CHRNA3: variants seen among roughly 807,000 people sequenced by gnomAD.
CHRNA3 encodes the protein neuronal acetylcholine receptor subunit alpha-3.
A neutral mutation model predicts 41.9 loss-of-function variants in CHRNA3; 34 were observed. The observed-to-expected ratio is 0.81, with a 90% CI of 0.62 to 1.08. CHRNA3 has a LOEUF of 1.08. Ranked by LOEUF, CHRNA3 falls within the 50% of genes least tolerant of loss-of-function variation. The pLI is 0.00. For synonymous variants in CHRNA3, 281 were observed against 265.2 expected, an observed-to-expected ratio of 1.06 and a Z score of -0.58; for missense variants, 542 against 638.3, an observed-to-expected ratio of 0.85 and a Z score of 1.63.
chr15:78,620,629 G>A (rs1250342534), intron 1 of CHRNA3, 84 bp downstream of exon 1: 2 of 1,443,022 alleles, frequency 1.4e-6, no homozygotes, highest in South Asian at 1.4e-5. Flanking sequence ...TCGCCCGCGC[G>A]GTGTTCTCGC....
chr15:78,596,405 TA>T lies in CHRNA3; in HGVS notation c.*198del. ...TCTTTACCATACCAAAAAGGCTAGT[TA>T]AATGTTCATTTATCGGTAATAAATA... On this transcript the variant is annotated 3_prime_UTR_variant, in exon 6 of 6. Coordinates refer to ENST00000326828, the MANE Select transcript of CHRNA3 (RefSeq NM_000743.5). The T allele has an allele frequency of 8.0e-7, 1 of 1,250,938 alleles. No individual in the cohort carries two copies. Among genetic ancestry groups the T allele is most frequent in the Non-Finnish European group, 1.0e-6 (1 of 997,700 alleles). 77.5% of individuals were successfully genotyped at this position (1,250,938 alleles called of 1,614,324 possible).
downstream of CHRNA3, chr15:78,593,172 A>C (rs199559512): frequency 3.1e-6 from 5 of 1,613,666 alleles, no homozygotes; most frequent in Non-Finnish European, 4.2e-6. Context: ...CAATTGTTGG[A>C]TCTCTTGGGC....
chr15:78,605,847 C>T (rs967756487), intron 4 of CHRNA3, among the ~76,000 whole-genome samples: 3 of 152,096 alleles, frequency 2.0e-5, no homozygotes, highest in Non-Finnish European at 4.4e-5. Context: ...CATGACTGTG[C>T]GGTCATGTCA....
chr15:78,601,920 G>A lies in CHRNA3; in HGVS notation c.722C>T (p.Pro241Leu). 1.2e-6 allele frequency: 2 copies of A among 1,613,044 alleles called. No homozygotes were observed. The highest frequency in any genetic ancestry group is 1.7e-6 in the Non-Finnish European group (2 of 1,179,566). The change falls in exon 5 of 6, where the codon CCC (proline) becomes CTC (leucine). Residue 241 changes from proline (P) to leucine (L), a missense_variant. Pro to Leu is a moderately conservative substitution (Grantham distance 98). Transcript: ENST00000326828. ...ITYSLYIRRL[P>L]LFYTINLIIP... ...GATGAGGTTGATGGTGTAGAACAAG[G>A]GCAGGCGCCGGATGTACAGCGAGTA...
chr15:78,618,303 C>A (rs1221988997), intron 3 of CHRNA3: 1 of 343,678 alleles, frequency 2.9e-6, no homozygotes, highest in Non-Finnish European at 5.4e-6. Flanking sequence ...AGGCACCACC[C>A]CAGGGTTTGG....
rs1431167072 is a variant in CHRNA3 at position 78,601,632 on chromosome 15, G to A, written c.1010C>T (p.Thr337Ile). The change falls in exon 5 of 6, where the codon ACA becomes ATA. Residue 337 changes from threonine (T) to isoleucine (I), a missense_variant. Thr to Ile is a moderately conservative substitution (Grantham distance 89). Coordinates refer to ENST00000326828, the MANE Select transcript of CHRNA3 (RefSeq NM_000743.5). The stretch of plus-strand genomic sequence containing the variant: ...TACAGTCTTCACCCATGAGGGCATT[G>A]TGTGTGTCGTCGGGGTTCTGTAGTG... ...NVHYRTPTTHTMPSWVKTVFL... is the reference protein window; with the variant it reads ...NVHYRTPTTHIMPSWVKTVFL... 1.9e-6 allele frequency: 3 copies of A among 1,614,218 alleles called. No homozygotes were observed. The highest frequency in any genetic ancestry group is 2.7e-5 in the African/African-American group (2 of 75,056).
chr15:78,600,112 C>T (rs936561568), intron 5 of CHRNA3: 1 of 151,884 alleles, frequency 6.6e-6, no homozygotes, highest in African/African-American at 2.4e-5. Flanking sequence ...GAAAGGACTT[C>T]ACTCTGTTAC....
At chr15:78,594,204 G>C (rs1235864544), downstream of CHRNA3, 1 of 152,144 alleles carries the variant, frequency 6.6e-6, no homozygotes. Flanking sequence ...CCACTGTAAA[G>C]TCATACAGTA....
chr15:78,609,028 G>A (rs2053341767), intron 4 of CHRNA3, among the ~76,000 whole-genome samples: 3 of 152,196 alleles, frequency 2.0e-5, no homozygotes, highest in Non-Finnish European at 4.4e-5. Context: ...GGGAAGTTTA[G>A]AGAAAAAAGA....
intron 1 of CHRNA3, among the ~76,000 whole-genome samples, chr15:78,619,442 A>G (rs2053516153): frequency 1.3e-5 from 2 of 152,128 alleles, no homozygotes; most frequent in Middle Eastern, 3.2e-3. Flanking sequence ...CACGATGGAA[A>G]GATGGCCAGT....
intron 4 of CHRNA3, among the ~76,000 whole-genome samples, chr15:78,603,345 G>A (rs554662091): frequency 1.3e-5 from 2 of 152,140 alleles, no homozygotes; most frequent in African/African-American, 2.4e-5. Context: ...GAATAGTCTT[G>A]TTGGTTTGTT....
chr15:78,609,531 G>A (rs1046182210), intron 4 of CHRNA3, among the ~76,000 whole-genome samples: 10 of 152,192 alleles, frequency 6.6e-5, no homozygotes, highest in Non-Finnish European at 1.0e-4. Flanking sequence ...CAAATGCTGA[G>A]AGATTTTATC....
At chr15:78,600,610 G>C (rs12901300) in intron 5 of CHRNA3, among the ~76,000 whole-genome samples, 3 of 151,994 alleles carry the variant, frequency 2.0e-5, no homozygotes, top group Non-Finnish European at 4.4e-5. Flanking sequence ...GGCCAGGTGC[G>C]GTGGCTCATG....
chr15:78,602,381 A>C, intron 4 of CHRNA3, 117 bp from the exon 5 acceptor site: 1 of 1,171,736 alleles, frequency 8.5e-7, no homozygotes, highest in Non-Finnish European at 1.2e-6. Context: ...GGAAGATGAG[A>C]GCTAAAGTGC....
intron 4 of CHRNA3, among the ~76,000 whole-genome samples, chr15:78,602,901 T>C (rs1038294574): frequency 2.6e-5 from 4 of 152,240 alleles, no homozygotes; most frequent in Non-Finnish European, 5.9e-5. Context: ...TGCTTCCTTG[T>C]CTTTCGAATT....
At chr15:78,619,087 G>A (rs72648883) in intron 1 of CHRNA3, 172 bp from the exon 2 acceptor site, 342 of 706,930 alleles carry the variant, frequency 4.8e-4, no homozygotes, top group Admixed American at 1.2e-3. Flanking sequence ...GGGAAACTGA[G>A]GCCCAAGAGG....
chr15:78,607,164 G>C (rs1183503660), intron 4 of CHRNA3, among the ~76,000 whole-genome samples: 2 of 147,262 alleles, frequency 1.4e-5, no homozygotes, highest in Non-Finnish European at 3.0e-5. Context: ...AGGAGGCAGA[G>C]ATTGCAGTGA....
chr15:78,615,656 T>C (rs1298349477), intron 4 of CHRNA3, among the ~76,000 whole-genome samples: 2 of 76,586 alleles, frequency 2.6e-5, no homozygotes, highest in Non-Finnish European at 4.9e-5. Context: ...GGTATAGAGA[T>C]TTTTTGGATA....
chr15:78,617,010 C>T lies in CHRNA3; in HGVS notation c.377+14G>A, dbSNP rs372036270. The T allele has an allele frequency of 1.3e-6, 2 of 1,594,986 alleles. No homozygotes were observed. Among genetic ancestry groups the T allele is most frequent in the Non-Finnish European group, 1.7e-6 (2 of 1,164,886 alleles). On this transcript the variant is annotated intron_variant, in intron 4 of 5. Transcript: ENST00000326828. The stretch of plus-strand genomic sequence containing the variant: ...TGACAGCCCTGAGAGGGCGTGGGCC[C>T]CCCAGCACCTTACTTGTTATACAGC...
Sources: gnomAD v4.1 joint callset for allele counts (sites outside exome capture counted in the v4.1 genomes callset) on GRCh38, gnomAD v4.1.1 for gene constraint, MANE v1.5 for transcripts, NCBI Gene and HGNC (gene_info 2026-07-23, HGNC 2026-07-21) for gene names.